Variants in CSNK1G1 observed in about 807,000 individuals in gnomAD.
CSNK1G1 encodes the protein casein kinase 1 gamma 1, also known as casein kinase I isoform gamma-1.
CSNK1G1 carries 22 observed loss-of-function variants against 59.6 expected under a neutral mutation model. The observed-to-expected ratio is 0.37, with a 90% CI of 0.26 to 0.53. The LOEUF is 0.53. Among genes scored for constraint, CSNK1G1 ranks in the 20% least tolerant of loss-of-function variants. The probability of loss-of-function intolerance (pLI) is 0.89; values close to 1 mark genes in which losing one functional copy is unlikely to be tolerated. For missense variants in CSNK1G1, 384 were observed against 519.5 expected, an observed-to-expected ratio of 0.74 and a Z score of 2.54; for synonymous variants, 179 against 177.1, an observed-to-expected ratio of 1.01 and a Z score of -0.08.
In CSNK1G1 at chr15:64,167,611, T is replaced by C. The variant is rs1305277750; in HGVS notation, c.*4320A>G. ...GGTGGCAGTGGCGTGGCAAAGGCAATGTTGGCTGTATGGTGTTGCAGGCTC... is the reference window on the plus strand; with the variant it reads ...GGTGGCAGTGGCGTGGCAAAGGCAACGTTGGCTGTATGGTGTTGCAGGCTC... On this transcript the variant is annotated 3_prime_UTR_variant, in exon 12 of 12. Coordinates refer to ENST00000303052, the MANE Select transcript of CSNK1G1 (RefSeq NM_022048.5). The C allele has an allele frequency of 6.6e-6, 1 of 152,660 alleles. No individual in the cohort carries two copies. The highest frequency in any genetic ancestry group is 1.9e-4 in the East Asian group (1 of 5,196). 9.5% of individuals were successfully genotyped at this position (152,660 alleles called of 1,614,324 possible).
Position 64,167,005 on chromosome 15 carries a change from C to T in CSNK1G1, c.*4926G>A, listed in dbSNP as rs1354056434. The stretch of plus-strand genomic sequence containing the variant: ...CAAGGAATACGTGTTCACTTTTTCC[C>T]TTGAAAGGTGATTTACAAATACCGG... On this transcript the variant is annotated 3_prime_UTR_variant, in exon 12 of 12. Coordinates refer to ENST00000303052, the MANE Select transcript of CSNK1G1 (RefSeq NM_022048.5). 1.3e-5 allele frequency: 2 copies of T among 152,138 alleles called. No individual in the cohort carries two copies. Among genetic ancestry groups the T allele is most frequent in the African/African-American group, 4.8e-5 (2 of 41,430 alleles). The allele number at this position is 152,138 out of a possible 1,614,324, so 9.4% of individuals were successfully genotyped here.
intron 4 of CSNK1G1, among the ~76,000 whole-genome samples, chr15:64,238,466 C>G (rs1332455437): frequency 5.5e-5 from 7 of 127,226 alleles, no homozygotes; most frequent in Non-Finnish European, 4.7e-5. Flanking sequence ...ACACTCCAGC[C>G]TGGGTGACAG....
chr15:64,314,176 G>T (rs1247498001), intron 1 of CSNK1G1, among the ~76,000 whole-genome samples: 1 of 152,162 alleles, frequency 6.6e-6, no homozygotes, highest in Non-Finnish European at 1.5e-5. Context: ...CTGTTCACAG[G>T]TGAGATCACA....
At chr15:64,244,158 G>C (rs1176582992) in intron 4 of CSNK1G1, among the ~76,000 whole-genome samples, 1 of 152,026 alleles carries the variant, frequency 6.6e-6, no homozygotes, top group Non-Finnish European at 1.5e-5. Context: ...GACAGAGCGA[G>C]ACTCTGTCTC....
intron 2 of CSNK1G1, among the ~76,000 whole-genome samples, chr15:64,269,507 T>C (rs1402633297): frequency 6.6e-6 from 1 of 151,270 alleles, no homozygotes; most frequent in East Asian, 1.9e-4. Context: ...TTTTTTTTTT[T>C]TTTTGAGACG....
At chr15:64,178,313 G>T (rs2081765483) in intron 11 of CSNK1G1, among the ~76,000 whole-genome samples, 1 of 151,984 alleles carries the variant, frequency 6.6e-6, no homozygotes, top group Non-Finnish European at 1.5e-5. Flanking sequence ...GGCATAACCA[G>T]CATAACCCTC....
At chr15:64,270,535 G>A (rs994027151) in intron 2 of CSNK1G1, among the ~76,000 whole-genome samples, 7 of 152,036 alleles carry the variant, frequency 4.6e-5, no homozygotes, top group Non-Finnish European at 7.4e-5. Flanking sequence ...CGAGATGGGC[G>A]GATCACGAGG....
chr15:64,272,951 A>C (rs986910419), intron 2 of CSNK1G1, among the ~76,000 whole-genome samples: 1 of 151,980 alleles, frequency 6.6e-6, no homozygotes, highest in Non-Finnish European at 1.5e-5. Flanking sequence ...AGATCCACCC[A>C]CCTCGGCTTC....
At chr15:64,208,579 G>A (rs1400969302) in intron 6 of CSNK1G1, among the ~76,000 whole-genome samples, 2 of 152,046 alleles carry the variant, frequency 1.3e-5, no homozygotes, top group African/African-American at 4.8e-5. Flanking sequence ...TGTTTCCTAG[G>A]CTTGAGTGCA....
At chr15:64,254,118 C>T (rs140351956) in intron 3 of CSNK1G1, among the ~76,000 whole-genome samples, 4 of 151,372 alleles carry the variant, frequency 2.6e-5, no homozygotes, top group East Asian at 1.9e-4. Flanking sequence ...CCAGCCTGGG[C>T]GACAGAGCAA....
chr15:64,282,233 C>T (rs1894182080), intron 2 of CSNK1G1, among the ~76,000 whole-genome samples: 1 of 152,006 alleles, frequency 6.6e-6, no homozygotes, highest in African/African-American at 2.4e-5. Flanking sequence ...CCAGCCTCTA[C>T]TTTCTATCTC....
chr15:64,296,010 A>G (rs1477376196), intron 2 of CSNK1G1, among the ~76,000 whole-genome samples: 2 of 152,174 alleles, frequency 1.3e-5, no homozygotes, highest in Non-Finnish European at 2.9e-5. Context: ...TGTATCCTGC[A>G]CAAGCTCTTC....
At chr15:64,277,052 G>A (rs1049155928) in intron 2 of CSNK1G1, among the ~76,000 whole-genome samples, 4 of 152,122 alleles carry the variant, frequency 2.6e-5, no homozygotes, top group Admixed American at 6.5e-5. Flanking sequence ...ACCATGCAAC[G>A]TCAGTGACTT....
chr15:64,329,232 C>G (rs906207264), intron 1 of CSNK1G1, among the ~76,000 whole-genome samples: 8 of 152,002 alleles, frequency 5.3e-5, no homozygotes, highest in African/African-American at 1.9e-4. Flanking sequence ...TTTTTTTCAG[C>G]ACCACACCAC....
chr15:64,207,794 T>TA (rs1192769135), intron 6 of CSNK1G1, among the ~76,000 whole-genome samples, 200 bp from the exon 7 acceptor site: 7 of 152,174 alleles, frequency 4.6e-5, no homozygotes, highest in African/African-American at 1.7e-4. Context: ...CTGTTGATGG[T>TA]AAGTAAATAT....
intron 10 of CSNK1G1, among the ~76,000 whole-genome samples, chr15:64,196,832 ATCCAGCCCTAC>A (rs1176937646): frequency 1.3e-5 from 2 of 151,912 alleles, no homozygotes; most frequent in African/African-American, 4.8e-5. Flanking sequence ...TGAGCAGACA[ATCCAGCCCTAC>A]TCTAGCTGCC....
chr15:64,243,891 G>A (rs577854489), intron 4 of CSNK1G1, among the ~76,000 whole-genome samples: 3 of 149,712 alleles, frequency 2.0e-5, no homozygotes, highest in Non-Finnish European at 3.0e-5. Flanking sequence ...TAAACAGGCC[G>A]GGCATGGTGG....
In CSNK1G1 at chr15:64,252,051, C is replaced by T. The variant is rs555044608; in HGVS notation, c.223-470G>A. 1.5e-4 allele frequency among the ~76,000 whole-genome samples: 23 copies of T among 151,882 alleles called. No individual in the cohort carries two copies. The East Asian group carries it at 4.4e-3, about 29-fold the overall frequency. On this transcript the variant is annotated intron_variant, in intron 3 of 11. Transcript: ENST00000303052. Reference sequence around the variant, plus strand: ...GTAAAAATCATCTGTGATCCTGTCACTTTAAAGAGAGGCACTATTAACATT... The same window carrying T: ...GTAAAAATCATCTGTGATCCTGTCATTTTAAAGAGAGGCACTATTAACATT...
intron 5 of CSNK1G1, among the ~76,000 whole-genome samples, chr15:64,215,997 G>A (rs368829582): frequency 6.6e-6 from 1 of 152,110 alleles, no homozygotes; most frequent in South Asian, 2.1e-4. Context: ...TTGGGAGGCC[G>A]AGGTGGGAGG....
Sources: allele counts gnomAD v4.1 joint callset (sites outside exome capture counted in the v4.1 genomes callset), GRCh38; gene constraint gnomAD v4.1.1; transcripts MANE v1.5; gene names NCBI Gene and HGNC (gene_info 2026-07-23, HGNC 2026-07-21).